Variants in SLC7A1 observed in about 807,000 individuals in gnomAD.
The protein encoded by SLC7A1 is high affinity cationic amino acid transporter 1.
In SLC7A1, 10 loss-of-function variants were observed where a neutral mutation model predicts 53.9. That is an observed-to-expected ratio of 0.19 (90% confidence interval 0.11 to 0.31). SLC7A1 has a LOEUF of 0.31. Among genes scored for constraint, SLC7A1 ranks in the 10% least tolerant of loss-of-function variants. The pLI is 1.00. For missense variants in SLC7A1, 525 were observed against 827.2 expected, an observed-to-expected ratio of 0.63 and a Z score of 4.48; for synonymous variants, 342 against 338.7, an observed-to-expected ratio of 1.01 and a Z score of -0.11.
chr13:29,552,222 T>TACACACAC (rs34563180), intron 2 of SLC7A1, among the ~76,000 whole-genome samples: 294 of 146,536 alleles, frequency 2.0e-3, no homozygotes, highest in African/African-American at 6.1e-3. Context: ...TGAGGGTCAT[T>TACACACAC]ACACACACAC....
chr13:29,531,716 C>A (rs568742800), intron 4 of SLC7A1, among the ~76,000 whole-genome samples: 8 of 152,046 alleles, frequency 5.3e-5, no homozygotes, highest in Non-Finnish European at 1.0e-4. Context: ...TGTCTGTAAT[C>A]GCAGCTACTG....
intron 1 of SLC7A1, among the ~76,000 whole-genome samples, chr13:29,576,293 T>TA (rs3069134): frequency 8.0e-6 from 1 of 124,966 alleles, no homozygotes; most frequent in African/African-American, 3.7e-5. Flanking sequence ...TCCTGTTTTT[T>TA]AAAAAAAAAA....
At chr13:29,526,179 G>A (rs1216537903) in intron 5 of SLC7A1, among the ~76,000 whole-genome samples, 1 of 150,808 alleles carries the variant, frequency 6.6e-6, no homozygotes, top group Non-Finnish European at 1.5e-5. Flanking sequence ...GACATCAAGA[G>A]CTACCAACAT....
chr13:29,545,609 CATA>C (rs57756025), intron 2 of SLC7A1, among the ~76,000 whole-genome samples: 2,493 of 152,252 alleles, frequency 0.016, 76 homozygotes, highest in African/African-American at 0.056. Context: ...ATTAATTCCT[CATA>C]ATAATATTTT....
intron 1 of SLC7A1, among the ~76,000 whole-genome samples, chr13:29,567,224 T>C (rs1042780266): frequency 3.3e-5 from 5 of 152,190 alleles, no homozygotes; most frequent in African/African-American, 1.2e-4. Context: ...GGTTGCAGCA[T>C]TTTTTGGTTT....
intron 5 of SLC7A1, among the ~76,000 whole-genome samples, chr13:29,527,391 G>A (rs74042312): frequency 0.013 from 1,919 of 152,286 alleles, 37 homozygotes; most frequent in African/African-American, 0.042. Flanking sequence ...GGGTGTTACT[G>A]ATGCCAGTGG....
chr13:29,520,270 C>A (rs181283259), intron 8 of SLC7A1, among the ~76,000 whole-genome samples: 56 of 152,272 alleles, frequency 3.7e-4, no homozygotes, highest in Admixed American at 3.6e-3. Flanking sequence ...ACAGGGCAGA[C>A]CACAGTCCCC....
intron 2 of SLC7A1, 101 bp from the exon 3 acceptor site, chr13:29,536,303 A>G: frequency 8.2e-7 from 1 of 1,215,630 alleles, no homozygotes; most frequent in South Asian, 1.5e-5. Context: ...CAGGTCCTTC[A>G]TAATCATTTC....
intron 8 of SLC7A1, among the ~76,000 whole-genome samples, chr13:29,519,961 G>C (rs991511733): frequency 2.6e-5 from 4 of 151,990 alleles, no homozygotes; most frequent in Admixed American, 6.6e-5. Flanking sequence ...TCTTCCTCTA[G>C]ACCATGCTGA....
At chr13:29,578,682 G>C (rs963794559) in intron 1 of SLC7A1, among the ~76,000 whole-genome samples, 1 of 152,202 alleles carries the variant, frequency 6.6e-6, no homozygotes, top group Admixed American at 6.5e-5. Flanking sequence ...CGGGCACCCC[G>C]GGTAGCTCTT....
At chr13:29,534,073 C>A (rs1013734033) in intron 3 of SLC7A1, among the ~76,000 whole-genome samples, 1 of 152,214 alleles carries the variant, frequency 6.6e-6, no homozygotes, top group Admixed American at 6.5e-5. Flanking sequence ...CTCCCTGTCA[C>A]CCCCAAAGCA....
chr13:29,518,140 G>A (rs988947770), intron 9 of SLC7A1, among the ~76,000 whole-genome samples: 9 of 152,222 alleles, frequency 5.9e-5, no homozygotes, highest in African/African-American at 2.2e-4. Context: ...ACTGCTGTAG[G>A]GAGCAAAAGG....
chr13:29,565,424 G>A (rs1432999224), intron 1 of SLC7A1, among the ~76,000 whole-genome samples: 2 of 152,210 alleles, frequency 1.3e-5, no homozygotes, highest in Non-Finnish European at 2.9e-5. Flanking sequence ...GCCTGGAGGA[G>A]CACAAAGGGT....
At chr13:29,519,152 C>G (rs1440437696) in intron 9 of SLC7A1, among the ~76,000 whole-genome samples, 1 of 152,202 alleles carries the variant, frequency 6.6e-6, no homozygotes, top group Admixed American at 6.5e-5. Flanking sequence ...TTCAAACCTT[C>G]TGATCCCAGG....
intron 5 of SLC7A1, among the ~76,000 whole-genome samples, chr13:29,528,594 G>A (rs1331779254): frequency 6.6e-6 from 1 of 152,124 alleles, no homozygotes; most frequent in East Asian, 1.9e-4. Context: ...CTACATGGCT[G>A]TTGTCAGAAA....
intron 1 of SLC7A1, among the ~76,000 whole-genome samples, chr13:29,567,345 G>C (rs945263268): frequency 6.6e-6 from 1 of 152,150 alleles, no homozygotes; most frequent in South Asian, 2.1e-4. Context: ...AAAAAGAATA[G>C]GGTGGCTTAC....
chr13:29,575,044 G>T (rs1208061745), intron 1 of SLC7A1, among the ~76,000 whole-genome samples: 1 of 152,072 alleles, frequency 6.6e-6, no homozygotes, highest in Non-Finnish European at 1.5e-5. Flanking sequence ...CCAAACAAAT[G>T]AACAAAAACA....
At chr13:29,565,823 C>G (rs1406574239) in intron 1 of SLC7A1, among the ~76,000 whole-genome samples, 4 of 152,214 alleles carry the variant, frequency 2.6e-5, no homozygotes, top group Admixed American at 2.6e-4. Flanking sequence ...TCTCGGGCAG[C>G]CTCTTCAAGT....
intron 12 of SLC7A1, among the ~76,000 whole-genome samples, chr13:29,515,665 C>T (rs891084509): frequency 1.7e-4 from 26 of 152,216 alleles, no homozygotes; most frequent in Admixed American, 1.6e-3. Flanking sequence ...CTGCACCCAC[C>T]CCTGGTGATC....
Sources: allele counts gnomAD v4.1 joint callset (sites outside exome capture counted in the v4.1 genomes callset), GRCh38; gene constraint gnomAD v4.1.1; transcripts MANE v1.5; gene names NCBI Gene and HGNC (gene_info 2026-07-23, HGNC 2026-07-21).